The following CHD2 variants were observed in gnomAD, a reference collection of about 807,000 sequenced individuals.
The protein encoded by CHD2 is chromodomain helicase DNA binding protein 2, also known as ATP-dependent chromatin remodeler CHD2.
A neutral mutation model predicts 243.9 loss-of-function variants in CHD2; 28 were observed. That is an observed-to-expected ratio of 0.11 (90% CI 0.09 to 0.16). The LOEUF is 0.16. CHD2 is among the 10% of genes least tolerant of loss of function. The pLI is 1.00. For missense variants in CHD2, 1,386 were observed against 2,209.8 expected (o/e 0.63, Z 7.47); for synonymous variants, 775 against 779.0 (o/e 0.99, Z 0.09).
Position 92,955,508 on chromosome 15 carries a change from A to C in CHD2, c.1805A>C (p.Asp602Ala). The C allele has an allele frequency of 6.3e-7, 1 of 1,588,686 alleles. No individual in the cohort carries two copies. The highest frequency in any genetic ancestry group is 8.6e-7 in the Non-Finnish European group (1 of 1,169,344). Residue 602 changes from aspartate to alanine, a missense_variant, in exon 15 of 39, where the codon GAT becomes GCT. Asp to Ala is a moderately radical substitution (Grantham distance 126). Around this residue, in one of 19 missense-constraint regions of CHD2, gnomAD observed 63 missense variants for 108.8 expected, o/e 0.58. Transcript: ENST00000394196. ...ACAACATATGAGATCCTCTTGAAAG[A>C]TAAGGTGTGTAATTAATATCTAAAA... is the stretch of plus-strand genomic sequence containing the variant. ...LITTYEILLK[D>A]KTVLGSINWA...
Position 92,955,519 on chromosome 15 carries a change from A to C in CHD2, c.1809+7A>C. 6.4e-7 allele frequency: 1 copy of C among 1,565,478 alleles called. No individual in the cohort carries two copies. ...GATCCTCTTGAAAGATAAGGTGTGT[A>C]ATTAATATCTAAAAGGCTAAATCTT... On this transcript the variant is annotated splice_region_variant and intron_variant, in intron 15 of 38. Coordinates refer to ENST00000394196, the MANE Select transcript of CHD2 (RefSeq NM_001271.4).
At chr15:92,914,267 T>C (rs1349100363) in intron 2 of CHD2, among the ~76,000 whole-genome samples, 2 of 152,242 alleles carry the variant, frequency 1.3e-5, no homozygotes, top group African/African-American at 4.8e-5. Context: ...TAACTGCTTT[T>C]CACAGCTTGG....
chr15:92,977,522 T>C (rs2053925757), intron 20 of CHD2, among the ~76,000 whole-genome samples: 1 of 152,172 alleles, frequency 6.6e-6, no homozygotes, highest in African/African-American at 2.4e-5. Flanking sequence ...CCGGCTTATA[T>C]ATTTTATTCT....
At chr15:92,968,581 A>G (rs2053798429) in intron 17 of CHD2, among the ~76,000 whole-genome samples, 1 of 152,222 alleles carries the variant, frequency 6.6e-6, no homozygotes, top group Admixed American at 6.5e-5. Flanking sequence ...GTGATATTCA[A>G]ATTTTATCAC....
chr15:93,020,176 C>T lies in CHD2; in HGVS notation c.5071C>T (p.Pro1691Ser), dbSNP rs754463281. ...TGCCCACCGTTCCGGAAGCTATCGA[C>T]CCAACAACATGTCCAGAAAGAGGCC... ...MDAHRSGSYR[P>S]NNMSRKRPYD... The change falls in exon 38 of 39, where the codon CCC becomes TCC. Residue 1691 changes from proline (P) to serine (S), a missense_variant. Physicochemically the swap from Pro to Ser is moderately conservative, Grantham distance 74. Coordinates refer to ENST00000394196, the MANE Select transcript of CHD2 (RefSeq NM_001271.4). The T allele has an allele frequency of 1.9e-6, 3 of 1,614,104 alleles. No individual in the cohort carries two copies. Among genetic ancestry groups the T allele is most frequent in the South Asian group, 1.1e-5 (1 of 91,076 alleles).
intron 21 of CHD2, among the ~76,000 whole-genome samples, chr15:92,978,904 C>T (rs913019032): frequency 2.0e-5 from 3 of 152,166 alleles, no homozygotes; most frequent in East Asian, 1.9e-4. Flanking sequence ...CAGGCCATAA[C>T]GACAGATCTT....
At position 92,972,181 on chromosome 15, in the gene CHD2, T is replaced by C; in HGVS notation, c.2353-84T>C. The C allele has an allele frequency of 1.4e-6, 2 of 1,443,438 alleles. 1 individual carries two copies. Among genetic ancestry groups the C allele is most frequent in the South Asian group, 2.5e-5 (2 of 78,924 alleles). The allele number at this position is 1,443,438 out of a possible 1,614,324, so 89.4% of individuals were successfully genotyped here. A position where few individuals can be genotyped will look rare whatever the true frequency, so the allele number is the denominator to read the frequency against. On this transcript the variant is annotated intron_variant, in intron 18 of 38. Coordinates refer to ENST00000394196, the MANE Select transcript of CHD2 (RefSeq NM_001271.4). ...GGGCTTCAGAAAGCTTTAAGATGATTTTTAAAATATGGATTTGTAGAGATT... is the reference window on the plus strand; with the variant it reads ...GGGCTTCAGAAAGCTTTAAGATGATCTTTAAAATATGGATTTGTAGAGATT...
chr15:92,910,807 G>T (rs2052719026), intron 2 of CHD2, among the ~76,000 whole-genome samples: 1 of 152,196 alleles, frequency 6.6e-6, no homozygotes, highest in South Asian at 2.1e-4. Flanking sequence ...ACGGTCATGT[G>T]TTGCTTAGCA....
At chr15:92,955,968 G>A (rs2053613008) in intron 15 of CHD2, among the ~76,000 whole-genome samples, 1 of 152,166 alleles carries the variant, frequency 6.6e-6, no homozygotes, top group African/African-American at 2.4e-5. Flanking sequence ...GTCTTTGTGA[G>A]GAGGACAAAA....
At chr15:92,940,071 C>T (rs561315200) in intron 7 of CHD2, among the ~76,000 whole-genome samples, 4 of 152,264 alleles carry the variant, frequency 2.6e-5, no homozygotes, top group African/African-American at 4.8e-5. Flanking sequence ...GAATCACAGA[C>T]GTTTTTCTGA....
At chr15:93,002,354 C>A in intron 33 of CHD2, 37 bp downstream of exon 33, 1 of 1,568,298 alleles carries the variant, frequency 6.4e-7, no homozygotes. Flanking sequence ...ATATCCACAG[C>A]CTTTGCAATT....
chr15:93,010,164 C>G (rs2054372653), intron 35 of CHD2, among the ~76,000 whole-genome samples: 1 of 152,150 alleles, frequency 6.6e-6, no homozygotes, highest in South Asian at 2.1e-4. Flanking sequence ...TATTTTATTC[C>G]TTTTTATGGC....
rs2053970223 is a variant in CHD2 at position 92,980,845 on chromosome 15, A to G, written c.2907A>G (p.Thr969=). 4.3e-6 allele frequency: 7 copies of G among 1,613,630 alleles called. No homozygotes were observed. In the Admixed American group the frequency reaches 5.0e-5, roughly 12 times the overall value. ...ATCCTTTTAATAAAGAAGAGCTGAC[A>G]GCTATTTTGAAATTTGGAGCAGAGG... ...NSNPFNKEEL[T]AILKFGAEDL... is the part of the protein sequence containing the mutation. Residue 969 remains threonine (T), a synonymous_variant, in exon 23 of 39, where the codon ACA becomes ACG. Transcript: ENST00000394196.
At chr15:92,955,581 CTGTTCTGTGGAGCA>C in intron 15 of CHD2, 69 bp downstream of exon 15, 1 of 984,612 alleles carries the variant, frequency 1.0e-6, no homozygotes, top group Non-Finnish European at 1.5e-6. Flanking sequence ...GGGTCTGTTA[CTGTTCTGTGGAGCA>C]TGTTAGAAAT....
intron 6 of CHD2, among the ~76,000 whole-genome samples, chr15:92,938,708 AAG>A (rs1457061067): frequency 1.3e-5 from 2 of 152,248 alleles, no homozygotes; most frequent in Admixed American, 1.3e-4. Context: ...GTATGAGAGA[AAG>A]AGATAATAAA....
chr15:92,949,122 T>G, intron 13 of CHD2, 46 bp downstream of exon 13: 1 of 1,587,666 alleles, frequency 6.3e-7, no homozygotes, highest in Non-Finnish European at 8.5e-7. Context: ...GTTTCTGGCT[T>G]CTTTATTGTT....
intron 13 of CHD2, among the ~76,000 whole-genome samples, chr15:92,951,263 C>G (rs2053550644): frequency 6.6e-6 from 1 of 152,098 alleles, no homozygotes; most frequent in African/African-American, 2.4e-5. Flanking sequence ...CTCCGATTCC[C>G]AGGTTCACGT....
At chr15:92,942,410 T>A (rs1390203653) in intron 8 of CHD2, among the ~76,000 whole-genome samples, 1 of 151,952 alleles carries the variant, frequency 6.6e-6, no homozygotes, top group Non-Finnish European at 1.5e-5. Flanking sequence ...TTTGGCTTTT[T>A]TTTTTTTTTC....
At chr15:92,974,184 A>G in intron 19 of CHD2, 1 of 152,190 alleles carries the variant, frequency 6.6e-6, no homozygotes, top group Non-Finnish European at 1.5e-5. Flanking sequence ...TTAGTATTTT[A>G]TGTGTCAATG....
Sources: allele counts gnomAD v4.1 joint callset (sites outside exome capture counted in the v4.1 genomes callset), GRCh38; gene constraint gnomAD v4.1.1; regional missense constraint gnomAD v4.1.1; transcripts MANE v1.5; gene names NCBI Gene and HGNC (gene_info 2026-07-23, HGNC 2026-07-21).